The following TXNRD2 variants were observed in gnomAD, a reference collection of about 807,000 sequenced individuals.
TXNRD2 encodes thioredoxin reductase 2, mitochondrial.
In TXNRD2, 67 loss-of-function variants were observed where a neutral mutation model predicts 70.8. The observed-to-expected ratio is 0.95, with a 90% CI of 0.78 to 1.16. The LOEUF (loss-of-function observed/expected upper bound fraction) is 1.16. Ranked by LOEUF, TXNRD2 falls within the 50% of genes most tolerant of loss-of-function variation. TXNRD2 has a pLI of 0.00. For synonymous variants in TXNRD2, 301 were observed against 295.8 expected (o/e 1.02, Z -0.18); for missense variants, 644 against 719.9 (o/e 0.89, Z 1.21).
chr22:19,894,717 C>T (rs1158987101), intron 11 of TXNRD2: 5 of 221,620 alleles, frequency 2.3e-5, no homozygotes, highest in Middle Eastern at 1.9e-3. Flanking sequence ...TGGCCAGGTG[C>T]GGTGGCTCAC....
intron 12 of TXNRD2, among the ~76,000 whole-genome samples, chr22:19,882,849 A>T (rs181552483): frequency 6.6e-6 from 1 of 152,370 alleles, no homozygotes; most frequent in Admixed American, 6.5e-5. Flanking sequence ...CTGAGAGCAA[A>T]GGACCTGCCC....
intron 1 of TXNRD2, chr22:19,933,340 C>T: frequency 8.9e-6 from 7 of 788,266 alleles, no homozygotes; most frequent in Non-Finnish European, 1.3e-5. Context: ...GAAAATGCCA[C>T]CAGGTCCCCC....
chr22:19,924,999 G>T lies in TXNRD2; in HGVS notation c.173-5400C>A, dbSNP rs546736499. 4.6e-5 allele frequency among the ~76,000 whole-genome samples: 7 copies of T among 151,352 alleles called. No homozygotes were observed. The East Asian group carries it at 1.4e-3, about 29-fold the overall frequency. On this transcript the variant is annotated intron_variant, in intron 2 of 17. Transcript: ENST00000400521. ...AAGTACTGAAAAAAAAAAAAAAAGC[G>T]GGGGGCCAGGCATGGTGGCTCACGC...
intron 7 of TXNRD2, among the ~76,000 whole-genome samples, chr22:19,913,121 C>T (rs1335879411): frequency 1.3e-5 from 2 of 152,142 alleles, no homozygotes; most frequent in Non-Finnish European, 2.9e-5. Flanking sequence ...TGCCCCCCAA[C>T]CCCTCACCCC....
intron 2 of TXNRD2, among the ~76,000 whole-genome samples, chr22:19,928,762 T>G (rs1189029864): frequency 6.6e-6 from 1 of 152,164 alleles, no homozygotes; most frequent in Non-Finnish European, 1.5e-5. Flanking sequence ...ATCCCAGAAC[T>G]TTGGGAGGCC....
Position 19,931,060 on chromosome 22 carries a change from C to G in TXNRD2, c.142G>C (p.Gly48Arg), listed in dbSNP as rs753830996. 7 of 1,613,562 alleles carry G rather than the reference C, an allele frequency of 4.3e-6. No individual in the cohort carries two copies. Among genetic ancestry groups the G allele is most frequent in the Non-Finnish European group, 5.9e-6 (7 of 1,180,026 alleles). ...TTGGCACAAGCCAGGCCACCAGATCCCCCGCCGACCACCAGGAGATCATAG... is the reference window on the plus strand; with the variant it reads ...TTGGCACAAGCCAGGCCACCAGATCGCCCGCCGACCACCAGGAGATCATAG... ...RDYDLLVVGG[G>R]SGGLACAKEA... The change falls in exon 2 of 18, where the codon GGA (glycine) becomes CGA (arginine). Residue 48 changes from glycine to arginine, a missense_variant. Coordinates refer to ENST00000400521, the MANE Select transcript of TXNRD2 (RefSeq NM_006440.5).
intron 8 of TXNRD2, among the ~76,000 whole-genome samples, chr22:19,902,321 G>C (rs1939813422): frequency 6.6e-6 from 1 of 152,238 alleles, no homozygotes; most frequent in African/African-American, 2.4e-5. Flanking sequence ...CACAGGGCAG[G>C]CTTTCTTGTT....
In TXNRD2 at chr22:19,880,656, A is replaced by G. The variant is rs1938728594; in HGVS notation, c.1148T>C (p.Phe383Ser). The change falls in exon 13 of 18, where the codon TTC (phenylalanine) becomes TCC (serine). Residue 383 changes from phenylalanine to serine, a missense_variant. Phe to Ser is a radical substitution (Grantham distance 155). Transcript: ENST00000400521. The stretch of plus-strand genomic sequence containing the variant: ...GTCCATCAGATCTGAGGACCCGCCG[A>G]AGAGCCGCTGCACCAGGAGCCTCCC... ...MAGRLLVQRL[F>S]GGSSDLMDYD... is the part of the protein sequence containing the mutation. 6.2e-7 allele frequency: 1 copy of G among 1,613,418 alleles called. No individual in the cohort carries two copies. The highest frequency in any genetic ancestry group is 8.5e-7 in the Non-Finnish European group (1 of 1,180,004).
intron 1 of TXNRD2, among the ~76,000 whole-genome samples, chr22:19,939,518 G>A (rs1941631430): frequency 1.3e-5 from 2 of 152,134 alleles, no homozygotes; most frequent in East Asian, 1.9e-4. Flanking sequence ...TTGGGCTTAT[G>A]TGCCTTTTCC....
chr22:19,936,995 G>C (rs918379298), intron 1 of TXNRD2, among the ~76,000 whole-genome samples: 4 of 152,126 alleles, frequency 2.6e-5, no homozygotes, highest in African/African-American at 9.7e-5. Flanking sequence ...AAGAATTCAA[G>C]GATGCTTGTA....
Position 19,902,251 on chromosome 22 carries a change from C to CT in TXNRD2, c.663-3184dup, listed in dbSNP as rs1463038555. On this transcript the variant is annotated intron_variant, in intron 8 of 17. Transcript: ENST00000400521. ...GATCCCAGCAGCTCAGCTCTCTGTG[C>CT]TTTTTGGTGTGCAAACATTTTCCAA... Among the ~76,000 whole-genome samples the CT allele has an allele frequency of 2.6e-5, 4 of 152,174 alleles. No homozygotes were observed. In the East Asian group the frequency reaches 7.7e-4, roughly 29 times the overall value.
chr22:19,940,537 C>A (rs971334747), intron 1 of TXNRD2, among the ~76,000 whole-genome samples: 5 of 152,188 alleles, frequency 3.3e-5, no homozygotes, highest in Non-Finnish European at 7.3e-5. Context: ...TTGGCTATTG[C>A]CGTGTCTGGA....
At position 19,911,438 on chromosome 22, in the gene TXNRD2, C is replaced by T. The variant is rs1277615244; in HGVS notation, c.601G>A (p.Ala201Thr). Residue 201 changes from alanine to threonine, a missense_variant, in exon 8 of 18, where the codon GCC (alanine) becomes ACC (threonine). Around this residue, in one of 3 missense-constraint regions of TXNRD2, gnomAD observed 566 missense variants for 645.0 expected, o/e 0.88. Coordinates refer to ENST00000400521, the MANE Select transcript of TXNRD2 (RefSeq NM_006440.5). ...TCACTTGTGATTCCATATTCCAAGG[C>T]ACCTTCGATCTGTCAAGACAGAAAT... ...RPRYPTHIEGALEYGITSDDI... is the reference protein window; with the variant it reads ...RPRYPTHIEGTLEYGITSDDI... 2.5e-6 allele frequency: 4 copies of T among 1,613,604 alleles called. No individual in the cohort carries two copies. In the Admixed American group the frequency reaches 5.0e-5, roughly 20 times the overall value.
intron 2 of TXNRD2, among the ~76,000 whole-genome samples, chr22:19,926,616 C>T (rs779436904): frequency 2.0e-5 from 3 of 151,696 alleles, no homozygotes; most frequent in Non-Finnish European, 4.4e-5. Context: ...CCCGTCTCTA[C>T]TAAAAATACA....
At chr22:19,933,528 C>T in intron 1 of TXNRD2, 1 of 1,288,016 alleles carries the variant, frequency 7.8e-7, no homozygotes, top group Non-Finnish European at 1.0e-6. Context: ...CCTCTGTCTG[C>T]TATCAGGCAG....
chr22:19,902,275 A>G (rs1180387999), intron 8 of TXNRD2, among the ~76,000 whole-genome samples: 1 of 152,224 alleles, frequency 6.6e-6, no homozygotes, highest in Admixed American at 6.5e-5. Context: ...AACATTTTCC[A>G]AAGAGGCATA....
intron 1 of TXNRD2, among the ~76,000 whole-genome samples, chr22:19,933,109 C>G (rs1366706835): frequency 6.6e-6 from 1 of 152,226 alleles, no homozygotes; most frequent in African/African-American, 2.4e-5. Flanking sequence ...GCCCCACAAC[C>G]AAACCCACCC....
chr22:19,883,273 G>A, intron 12 of TXNRD2, 52 bp downstream of exon 12: 1 of 1,602,298 alleles, frequency 6.2e-7, no homozygotes, highest in Non-Finnish European at 8.5e-7. Flanking sequence ...AGCGAGCAGG[G>A]GTGGTGGAGC....
chr22:19,913,900 C>T (rs35515070), intron 7 of TXNRD2, among the ~76,000 whole-genome samples: 15,324 of 152,246 alleles, frequency 0.1, 1,058 homozygotes, highest in Non-Finnish European at 0.15. Flanking sequence ...CAGTTCTTAG[C>T]TGACCACTAA....
Sources: gnomAD v4.1 joint callset for allele counts (sites outside exome capture counted in the v4.1 genomes callset) on GRCh38, gnomAD v4.1.1 for gene constraint, gnomAD v4.1.1 regional missense constraint, MANE v1.5 for transcripts, NCBI Gene and HGNC (gene_info 2026-07-23, HGNC 2026-07-21) for gene names.